Variants in DAAM2 observed in about 807,000 individuals in gnomAD.
DAAM2 encodes the protein dishevelled associated activator of morphogenesis 2.
Under a neutral mutation model 120.7 loss-of-function variants are expected in DAAM2, and 39 were observed. That is an observed-to-expected ratio of 0.32 (90% confidence interval 0.25 to 0.42). The LOEUF (loss-of-function observed/expected upper bound fraction) is 0.42. Ranked by LOEUF, DAAM2 falls within the 10% of genes least tolerant of loss-of-function variation. The pLI is 1.00. For missense variants in DAAM2, 1,283 were observed against 1,401.7 expected (o/e 0.92, Z 1.35); for synonymous variants, 488 against 524.9 (o/e 0.93, Z 0.96).
At chr6:39,828,973 G>A (rs2114180700) in intron 1 of DAAM2, among the ~76,000 whole-genome samples, 1 of 152,350 alleles carries the variant, frequency 6.6e-6, no homozygotes. Flanking sequence ...CCATAGCACA[G>A]TTCCACTAGC....
intron 1 of DAAM2, among the ~76,000 whole-genome samples, chr6:39,832,175 G>A (rs536558643): frequency 1.1e-4 from 17 of 152,070 alleles, no homozygotes; most frequent in Admixed American, 9.8e-4. Context: ...GGAAAGGGTA[G>A]AGGGGCCGAC....
chr6:39,851,369 T>G (rs1017726057), intron 1 of DAAM2, among the ~76,000 whole-genome samples: 6 of 152,180 alleles, frequency 3.9e-5, no homozygotes, highest in African/African-American at 1.4e-4. Context: ...TGGCTTTTGT[T>G]TTTGTTGTTG....
chr6:39,898,058 G>A (rs1766226583), intron 21 of DAAM2, among the ~76,000 whole-genome samples: 1 of 152,222 alleles, frequency 6.6e-6, no homozygotes, highest in Admixed American at 6.5e-5. Flanking sequence ...GATGCTTCCA[G>A]AAAATACCAG....
chr6:39,879,304 C>G lies in DAAM2; in HGVS notation c.1672C>G (p.Pro558Ala). ...TGCCTGTTGTCCCCCTCCCCCACCA[C>G]CACCCCTTCCTCCCGGGGGACCCCC... Reference protein sequence around the residue: ...PFACCPPPPPPPLPPGGPPTP... With the variant: ...PFACCPPPPPAPLPPGGPPTP... The change falls in exon 14 of 25, where the codon CCA (proline) becomes GCA (alanine). Residue 558 changes from proline (P) to alanine (A), a missense_variant. Transcript: ENST00000274867. 6.6e-7 allele frequency: 1 copy of G among 1,517,396 alleles called. No homozygotes were observed. Among genetic ancestry groups the G allele is most frequent in the Non-Finnish European group, 9.0e-7 (1 of 1,106,204 alleles). The allele number at this position is 1,517,396 out of a possible 1,614,324, so 94.0% of individuals were successfully genotyped here.
Position 39,900,127 on chromosome 6 carries a change from C to T in DAAM2, c.2730C>T (p.Val910=). The T allele has an allele frequency of 6.2e-7, 1 of 1,601,618 alleles. No homozygotes were observed. Among genetic ancestry groups the T allele is most frequent in the Non-Finnish European group, 8.5e-7 (1 of 1,174,200 alleles). Residue 910 remains valine, a synonymous_variant, in exon 23 of 25, where the codon GTC becomes GTT. Transcript: ENST00000274867. The part of the protein sequence containing the change: ...RQVREPSDKF[V]PVMSDFITVS... ...TACGGGAGCCCAGTGACAAGTTTGT[C>T]CCTGTCATGAGCGACTTCATCACGG...
intron 1 of DAAM2, among the ~76,000 whole-genome samples, chr6:39,833,810 A>C (rs1378944496): frequency 6.6e-6 from 1 of 152,268 alleles, no homozygotes; most frequent in Admixed American, 6.5e-5. Context: ...GGCATTTTCC[A>C]GAGGTAAATA....
chr6:39,813,610 A>G (rs1350956780), intron 1 of DAAM2, among the ~76,000 whole-genome samples: 3 of 152,214 alleles, frequency 2.0e-5, no homozygotes, highest in African/African-American at 7.2e-5. Flanking sequence ...TGGATTTATT[A>G]TACAAAATAC....
At chr6:39,866,454 G>A (rs888977915) in intron 5 of DAAM2, among the ~76,000 whole-genome samples, 7 of 152,094 alleles carry the variant, frequency 4.6e-5, no homozygotes, top group Admixed American at 6.5e-5. Flanking sequence ...ACACAAATAC[G>A]CTTGGGATAA....
chr6:39,801,805 G>A (rs772857011), intron 1 of DAAM2, among the ~76,000 whole-genome samples: 53 of 152,248 alleles, frequency 3.5e-4, no homozygotes, highest in Non-Finnish European at 6.3e-4. Context: ...CCACATTCCC[G>A]GGGGGTCAGT....
intron 1 of DAAM2, among the ~76,000 whole-genome samples, chr6:39,829,236 G>A (rs1472732113): frequency 3.9e-5 from 6 of 152,254 alleles, no homozygotes; most frequent in Admixed American, 1.3e-4. Context: ...CACACAGGGT[G>A]TGTGGATGGG....
intron 2 of DAAM2, among the ~76,000 whole-genome samples, chr6:39,857,961 G>A (rs1032869507): frequency 1.3e-5 from 2 of 152,068 alleles, no homozygotes; most frequent in African/African-American, 4.8e-5. Flanking sequence ...CATTCTGGGG[G>A]TGGGGGCATG....
chr6:39,855,811 A>T (rs922862937), intron 1 of DAAM2, among the ~76,000 whole-genome samples: 6 of 152,140 alleles, frequency 3.9e-5, no homozygotes, highest in African/African-American at 1.4e-4. Context: ...CATGCCTTTA[A>T]ATCAGTTATC....
At chr6:39,858,489 A>G (rs183600898) in intron 2 of DAAM2, among the ~76,000 whole-genome samples, 13 of 152,314 alleles carry the variant, frequency 8.5e-5, no homozygotes, top group Admixed American at 7.8e-4. Context: ...GGTTTCTGAC[A>G]TGAAGTGTTG....
At chr6:39,840,789 C>CTAAT (rs1763294658) in intron 1 of DAAM2, among the ~76,000 whole-genome samples, 2 of 152,048 alleles carry the variant, frequency 1.3e-5, no homozygotes, top group African/African-American at 4.8e-5. Context: ...TTACACTGTG[C>CTAAT]GACACTGTCC....
chr6:39,812,070 A>G (rs1762179269), intron 1 of DAAM2, among the ~76,000 whole-genome samples: 1 of 152,214 alleles, frequency 6.6e-6, no homozygotes, highest in African/African-American at 2.4e-5. Context: ...CAAACCTGCC[A>G]GAACTAACAA....
intron 16 of DAAM2, 56 bp from the exon 17 acceptor site, chr6:39,888,623 C>A: frequency 6.6e-7 from 1 of 1,524,280 alleles, no homozygotes; most frequent in South Asian, 1.2e-5. Flanking sequence ...GAGGTGGTAC[C>A]TTTTGGAGAA....
At chr6:39,826,088 C>G (rs1248603712) in intron 1 of DAAM2, among the ~76,000 whole-genome samples, 2 of 152,146 alleles carry the variant, frequency 1.3e-5, no homozygotes, top group Non-Finnish European at 2.9e-5. Flanking sequence ...GTGTCTTGGT[C>G]CAGCTTCTGC....
chr6:39,828,829 A>G (rs1050805531), intron 1 of DAAM2, among the ~76,000 whole-genome samples: 2 of 152,018 alleles, frequency 1.3e-5, no homozygotes, highest in African/African-American at 4.8e-5. Flanking sequence ...CCGCCTTTTT[A>G]TAATGCACTA....
At chr6:39,810,150 G>C (rs1249313523) in intron 1 of DAAM2, among the ~76,000 whole-genome samples, 1 of 152,150 alleles carries the variant, frequency 6.6e-6, no homozygotes. Flanking sequence ...AAATTCTGTT[G>C]AATAGAGGTC....
Sources: allele counts gnomAD v4.1 joint callset (sites outside exome capture counted in the v4.1 genomes callset), GRCh38; gene constraint gnomAD v4.1.1; transcripts MANE v1.5; gene names NCBI Gene and HGNC (gene_info 2026-07-23, HGNC 2026-07-21).